The following NELL2 variants were observed in gnomAD, a reference collection of about 807,000 sequenced individuals.
The protein encoded by NELL2 is protein kinase C-binding protein NELL2.
In NELL2, 41 loss-of-function variants were observed where a neutral mutation model predicts 109.6. The ratio of observed to expected loss-of-function variants is 0.37; its 90% confidence interval spans 0.29 to 0.49. The LOEUF (loss-of-function observed/expected upper bound fraction) is 0.49. Ranked by LOEUF, NELL2 falls within the 20% of genes least tolerant of loss-of-function variation. NELL2 has a pLI of 0.98. For missense variants in NELL2, 900 were observed against 1,008.3 expected (o/e 0.89, Z 1.45); for synonymous variants, 355 against 344.7 (o/e 1.03, Z -0.33).
intron 13 of NELL2, among the ~76,000 whole-genome samples, chr12:44,627,744 A>T (rs1946317152): frequency 6.9e-6 from 1 of 145,964 alleles, no homozygotes; most frequent in African/African-American, 2.8e-5. Flanking sequence ...CTAAGACTGG[A>T]TTAGATTAAA....
rs575182621 is a variant in NELL2, at chr12:44,849,836, A to G, written c.184+25389T>C. On this transcript the variant is annotated intron_variant, in intron 2 of 19. Coordinates refer to ENST00000429094, the MANE Select transcript of NELL2 (RefSeq NM_001145108.2). Reference sequence around the variant, plus strand: ...AAAAGGGAATGCATTACTGATACATACAACATAAATAAATTTAAAGATGTT... The same window carrying G: ...AAAAGGGAATGCATTACTGATACATGCAACATAAATAAATTTAAAGATGTT... Among the ~76,000 whole-genome samples the G allele has an allele frequency of 4.6e-4, 70 of 152,332 alleles. 1 individual carries two copies. The highest frequency in any genetic ancestry group is 1.5e-3 in the African/African-American group (62 of 41,580).
At chr12:44,525,559 C>G (rs766806925) in intron 16 of NELL2, among the ~76,000 whole-genome samples, 3 of 152,106 alleles carry the variant, frequency 2.0e-5, no homozygotes, top group Non-Finnish European at 4.4e-5. Flanking sequence ...ATTTTGGAAC[C>G]CATTTTTACA....
chr12:44,861,362 C>T (rs1944837642), intron 2 of NELL2, among the ~76,000 whole-genome samples: 1 of 152,182 alleles, frequency 6.6e-6, no homozygotes, highest in Non-Finnish European at 1.5e-5. Flanking sequence ...CCTCCAAACC[C>T]ATTCTAGTGC....
At chr12:44,627,047 G>A (rs922135076) in intron 13 of NELL2, among the ~76,000 whole-genome samples, 2 of 152,058 alleles carry the variant, frequency 1.3e-5, no homozygotes, top group Non-Finnish European at 2.9e-5. Flanking sequence ...TTGACAGCTG[G>A]TATGTCCCAT....
chr12:44,781,732 G>A (rs1036924926), intron 3 of NELL2, among the ~76,000 whole-genome samples: 1 of 152,028 alleles, frequency 6.6e-6, no homozygotes, highest in Non-Finnish European at 1.5e-5. Flanking sequence ...GAGCCATAAA[G>A]AAGTGGTAAA....
intron 9 of NELL2, among the ~76,000 whole-genome samples, chr12:44,738,666 A>G (rs1015455954): frequency 2.6e-5 from 4 of 152,112 alleles, no homozygotes; most frequent in African/African-American, 9.7e-5. Context: ...GTCAGGGGGA[A>G]GGAGAGGAAT....
chr12:44,692,533 G>C (rs1948934273), intron 12 of NELL2, among the ~76,000 whole-genome samples: 3 of 152,148 alleles, frequency 2.0e-5, no homozygotes, highest in South Asian at 2.1e-4. Flanking sequence ...TATTTCTTAA[G>C]ACTATAGCTG....
At chr12:44,556,206 C>A (rs1431958005) in intron 15 of NELL2, among the ~76,000 whole-genome samples, 3 of 152,170 alleles carry the variant, frequency 2.0e-5, no homozygotes, top group Non-Finnish European at 2.9e-5. Flanking sequence ...TCCATTCAGA[C>A]AAATATTATT....
At chr12:44,635,015 T>C (rs1417380521) in intron 13 of NELL2, among the ~76,000 whole-genome samples, 1 of 152,238 alleles carries the variant, frequency 6.6e-6, no homozygotes, top group East Asian at 1.9e-4. Context: ...GGTTTTGATT[T>C]ACATTTTTCT....
chr12:44,536,253 G>T (rs996427571), intron 15 of NELL2, among the ~76,000 whole-genome samples: 1 of 151,966 alleles, frequency 6.6e-6, no homozygotes, highest in Admixed American at 6.6e-5. Context: ...AGTAAATAAA[G>T]AATTGAAAGC....
At chr12:44,632,255 A>G (rs898361775) in intron 13 of NELL2, among the ~76,000 whole-genome samples, 1 of 152,162 alleles carries the variant, frequency 6.6e-6, no homozygotes, top group African/African-American at 2.4e-5. Flanking sequence ...CGTTGACATC[A>G]GATACAAGTC....
intron 3 of NELL2, among the ~76,000 whole-genome samples, chr12:44,813,976 T>G (rs530490363): frequency 2.5e-4 from 38 of 152,314 alleles, no homozygotes; most frequent in African/African-American, 7.9e-4. Context: ...AACATTAAAC[T>G]ATTTTAAGAA....
At chr12:44,748,573 T>C (rs1194542312) in intron 9 of NELL2, among the ~76,000 whole-genome samples, 3 of 152,156 alleles carry the variant, frequency 2.0e-5, no homozygotes, top group African/African-American at 7.2e-5. Context: ...TCACTATACC[T>C]ATAATGTGGC....
intron 12 of NELL2, among the ~76,000 whole-genome samples, chr12:44,673,162 A>G (rs1948200439): frequency 6.6e-6 from 1 of 152,200 alleles, no homozygotes; most frequent in Non-Finnish European, 1.5e-5. Flanking sequence ...CTGCAGAGGA[A>G]GAACTCCCCA....
intron 2 of NELL2, among the ~76,000 whole-genome samples, chr12:44,873,763 G>A (rs1406202388): frequency 6.6e-6 from 1 of 151,532 alleles, no homozygotes; most frequent in African/African-American, 2.4e-5. Context: ...AAAAACAGAA[G>A]GTTAACCCTA....
chr12:44,854,443 G>C (rs1944618122), intron 2 of NELL2, among the ~76,000 whole-genome samples: 1 of 152,172 alleles, frequency 6.6e-6, no homozygotes, highest in Admixed American at 6.6e-5. Flanking sequence ...AAGATTGTCA[G>C]AGAGATGAAA....
intron 13 of NELL2, among the ~76,000 whole-genome samples, chr12:44,623,430 C>T (rs968581334): frequency 6.6e-6 from 1 of 151,944 alleles, no homozygotes; most frequent in Non-Finnish European, 1.5e-5. Context: ...TTCTAAAATA[C>T]AAAAGGATAT....
chr12:44,821,882 T>C lies in NELL2; in HGVS notation c.185-5746A>G, dbSNP rs543006697. Among the ~76,000 whole-genome samples, 32 of 144,006 alleles carry C rather than the reference T, an allele frequency of 2.2e-4. No homozygotes were observed. In the South Asian group the frequency reaches 7.0e-3, roughly 31 times the overall value. The allele number at this position is 144,006 out of a possible 152,430, so 94.5% of individuals were successfully genotyped here. On this transcript the variant is annotated intron_variant, in intron 2 of 19. Coordinates refer to ENST00000429094, the MANE Select transcript of NELL2 (RefSeq NM_001145108.2). ...ACAAGTGTGCACCACCACGCCCGGCTGGTTTTATTTATTTATTTATTTATT... is the reference window on the plus strand; with the variant it reads ...ACAAGTGTGCACCACCACGCCCGGCCGGTTTTATTTATTTATTTATTTATT...
intron 2 of NELL2, among the ~76,000 whole-genome samples, chr12:44,859,845 T>C (rs539315899): frequency 2.0e-3 from 302 of 152,310 alleles, no homozygotes; most frequent in Non-Finnish European, 3.6e-3. Context: ...CTCCAGGTCC[T>C]CCAAAATCAA....
Sources: allele counts gnomAD v4.1 joint callset (sites outside exome capture counted in the v4.1 genomes callset), GRCh38; gene constraint gnomAD v4.1.1; transcripts MANE v1.5; gene names NCBI Gene and HGNC (gene_info 2026-07-23, HGNC 2026-07-21).